The following FAM3B variants were observed in gnomAD, a reference collection of about 807,000 sequenced individuals.
FAM3B encodes the protein protein FAM3B.
FAM3B carries 29 observed loss-of-function variants against 28.4 expected under a neutral mutation model. The observed-to-expected ratio is 1.02, with a 90% CI of 0.76 to 1.39. The LOEUF (loss-of-function observed/expected upper bound fraction) is 1.39, where lower values mean the gene tolerates loss of function less well. Among genes scored for constraint, FAM3B ranks in the 40% most tolerant of loss-of-function variants. FAM3B has a pLI of 0.00. For synonymous variants in FAM3B, 91 were observed against 103.0 expected (o/e 0.88, Z 0.71); for missense variants, 266 against 293.9 (o/e 0.91, Z 0.69).
At chr21:41,334,655 G>A (rs989540942) in intron 2 of FAM3B, among the ~76,000 whole-genome samples, 6 of 152,290 alleles carry the variant, frequency 3.9e-5, no homozygotes, top group Non-Finnish European at 8.8e-5. Flanking sequence ...TGCTGCTGGG[G>A]CAGAACCTCT....
At chr21:41,341,259 G>A (rs1402490675) in intron 3 of FAM3B, among the ~76,000 whole-genome samples, 5 of 152,202 alleles carry the variant, frequency 3.3e-5, no homozygotes, top group African/African-American at 7.2e-5. Context: ...GCACTGATAG[G>A]CATTTCTGAT....
At chr21:41,316,531 C>G (rs1387137440), upstream of FAM3B, among the ~76,000 whole-genome samples, 1 of 152,182 alleles carries the variant, frequency 6.6e-6, no homozygotes, top group African/African-American at 2.4e-5. Flanking sequence ...GCCAAAGTAT[C>G]AAGTGGCGTC....
At chr21:41,352,824 T>TAAAC (rs1428789090) in intron 7 of FAM3B, among the ~76,000 whole-genome samples, 14 of 151,634 alleles carry the variant, frequency 9.2e-5, no homozygotes, top group Admixed American at 5.3e-4. Flanking sequence ...AATAAATAAA[T>TAAAC]AAAGGAAGAA....
upstream of FAM3B, among the ~76,000 whole-genome samples, chr21:41,316,317 G>A (rs1320836701): frequency 1.3e-5 from 2 of 152,206 alleles, no homozygotes; most frequent in Non-Finnish European, 2.9e-5. Flanking sequence ...GAGAAAACAA[G>A]AGGTGGGGCG....
intron 1 of FAM3B, chr21:41,322,454 A>G: frequency 1.6e-6 from 1 of 639,444 alleles, no homozygotes; most frequent in Non-Finnish European, 2.9e-6. Context: ...ATCGGCTACT[A>G]TTCCCAGTGC....
intron 2 of FAM3B, among the ~76,000 whole-genome samples, chr21:41,327,631 T>C (rs1458859593): frequency 6.6e-6 from 1 of 152,268 alleles, no homozygotes; most frequent in Non-Finnish European, 1.5e-5. Context: ...CTGAAATTAC[T>C]CTTGTGATTA....
At chr21:41,347,174 G>A (rs769806423) in intron 6 of FAM3B, 74 bp downstream of exon 6, 179 of 1,237,716 alleles carry the variant, frequency 1.4e-4, no homozygotes, top group Non-Finnish European at 2.1e-4. Context: ...GGGTCTCTCA[G>A]TGACATCCTC....
At chr21:41,339,627 T>C (rs1323481190) in intron 3 of FAM3B, among the ~76,000 whole-genome samples, 1 of 152,238 alleles carries the variant, frequency 6.6e-6, no homozygotes, top group Non-Finnish European at 1.5e-5. Context: ...AGAATCTTGG[T>C]TCCTAGTACT....
chr21:41,326,090 G>T lies in FAM3B; in HGVS notation c.163+3024G>T, dbSNP rs141564012. ...CAGGAGACTAAATAGAAGGTCCGCCGTTCTCCCTGGCTAGGACACTGGCTT... is the reference window on the plus strand; with the variant it reads ...CAGGAGACTAAATAGAAGGTCCGCCTTTCTCCCTGGCTAGGACACTGGCTT... On this transcript the variant is annotated intron_variant, in intron 2 of 7. Coordinates refer to ENST00000357985, the MANE Select transcript of FAM3B (RefSeq NM_058186.4). The surrounding 1 kb of genome is among the most constrained non-coding windows in gnomAD (Gnocchi z 4.0). Among the ~76,000 whole-genome samples the T allele has an allele frequency of 6.6e-6, 1 of 152,202 alleles. No individual in the cohort carries two copies. Among genetic ancestry groups the T allele is most frequent in the African/African-American group, 2.4e-5 (1 of 41,442 alleles).
At chr21:41,345,774 TA>T in intron 5 of FAM3B, 38 bp downstream of exon 5, 1 of 1,263,238 alleles carries the variant, frequency 7.9e-7, no homozygotes, top group Non-Finnish European at 1.1e-6. Context: ...AAATGAATTT[TA>T]AACAGAAAAT....
intron 1 of FAM3B, among the ~76,000 whole-genome samples, chr21:41,311,251 AATATAT>A (rs1168140562): frequency 0.011 from 371 of 34,858 alleles, 5 homozygotes; most frequent in African/African-American, 0.032. Flanking sequence ...AAAAAAAAAA[AATATAT>A]ATATATATAT....
upstream of FAM3B, among the ~76,000 whole-genome samples, chr21:41,315,093 T>G (rs554448928): frequency 1.3e-5 from 2 of 152,160 alleles, no homozygotes; most frequent in Non-Finnish European, 2.9e-5. Flanking sequence ...CCAATGGAAT[T>G]TTATTCAGCC....
chr21:41,306,494 C>T (rs1337428378), intron 1 of FAM3B, among the ~76,000 whole-genome samples: 1 of 152,184 alleles, frequency 6.6e-6, no homozygotes, highest in East Asian at 1.9e-4. Flanking sequence ...ACTCTTTGAT[C>T]CAAGGGCTGC....
upstream of FAM3B, among the ~76,000 whole-genome samples, chr21:41,312,177 T>C (rs66832478): frequency 0.11 from 16,969 of 152,272 alleles, 1,113 homozygotes; most frequent in Admixed American, 0.2. Flanking sequence ...TGGATATTAT[T>C]ATTTGATACT....
intron 2 of FAM3B, among the ~76,000 whole-genome samples, chr21:41,334,693 G>C (rs982170088): frequency 5.0e-4 from 76 of 152,214 alleles, no homozygotes; most frequent in African/African-American, 1.8e-3. Context: ...GGGAAATGTG[G>C]GGTTTGAGCC....
intron 3 of FAM3B, 83 bp downstream of exon 3, chr21:41,338,584 GCC>G: frequency 1.3e-6 from 2 of 1,554,786 alleles, no homozygotes; most frequent in Non-Finnish European, 8.7e-7. Flanking sequence ...CAGCAGTTCT[GCC>G]CACAGGAGAG....
chr21:41,357,182 C>T lies in FAM3B; in HGVS notation c.693C>T (p.Pro231=), dbSNP rs953232725. ...PAEIQIEGCI[P]KERS Reference sequence around the variant, plus strand: ...AGATCCAGATAGAAGGCTGCATACCCAAAGAACGAAGCTGACACTGCAGGG... The same window carrying T: ...AGATCCAGATAGAAGGCTGCATACCTAAAGAACGAAGCTGACACTGCAGGG... The change falls in exon 8 of 8, where the codon CCC becomes CCT. Residue 231 remains proline, a synonymous_variant. Transcript: ENST00000357985. 6.2e-7 allele frequency: 1 copy of T among 1,612,424 alleles called. No homozygotes were observed. The highest frequency in any genetic ancestry group is 8.5e-7 in the Non-Finnish European group (1 of 1,179,084).
chr21:41,319,482 A>C (rs1422449009), intron 1 of FAM3B: 2 of 152,230 alleles, frequency 1.3e-5, no homozygotes, highest in Non-Finnish European at 2.9e-5. Context: ...CTGGTTTCAA[A>C]ATCTCAGAAG....
At position 41,316,851 on chromosome 21, in the gene FAM3B, AG is replaced by A; in HGVS notation, c.-26del. 1.4e-6 allele frequency: 2 copies of A among 1,432,446 alleles called. No homozygotes were observed. The highest frequency in any genetic ancestry group is 1.8e-6 in the Non-Finnish European group (2 of 1,095,976). 88.7% of individuals were successfully genotyped at this position (1,432,446 alleles called of 1,614,324 possible). ...CTGCGGTCGCCTGGGAGCTGCCGCC[AG>A]GGCCAGGAGGGGAGCGGCACCTGGA... is the stretch of plus-strand genomic sequence containing the variant. On this transcript the variant is annotated 5_prime_UTR_variant, in exon 1 of 8. Coordinates refer to ENST00000357985, the MANE Select transcript of FAM3B (RefSeq NM_058186.4).
Sources: gnomAD v4.1 joint callset for allele counts (sites outside exome capture counted in the v4.1 genomes callset) on GRCh38, gnomAD v4.1.1 for gene constraint, Gnocchi (gnomAD v3.1) non-coding constraint, MANE v1.5 for transcripts, NCBI Gene and HGNC (gene_info 2026-07-23, HGNC 2026-07-21) for gene names.